Variants in UNC13C observed in about 807,000 individuals in gnomAD.
UNC13C encodes the protein unc-13 homolog C, also known as protein unc-13 homolog C.
In UNC13C, 174 loss-of-function variants were observed where a neutral mutation model predicts 245.4. That is an observed-to-expected ratio of 0.71 (90% CI 0.63 to 0.80). UNC13C has a LOEUF of 0.80. UNC13C is among the 30% of genes least tolerant of loss of function. UNC13C has a pLI of 0.00. For missense variants in UNC13C, 2,829 were observed against 2,602.9 expected, an observed-to-expected ratio of 1.09 and a Z score of -1.89; for synonymous variants, 992 against 895.1, an observed-to-expected ratio of 1.11 and a Z score of -1.93.
intron 2 of UNC13C, among the ~76,000 whole-genome samples, chr15:54,073,082 C>A (rs1229954031): frequency 6.6e-6 from 1 of 152,024 alleles, no homozygotes; most frequent in East Asian, 1.9e-4. Context: ...CTCCCTGTGT[C>A]CATGGGTTCT....
chr15:54,341,562 G>A (rs2038732315), intron 17 of UNC13C, among the ~76,000 whole-genome samples: 1 of 151,812 alleles, frequency 6.6e-6, no homozygotes, highest in South Asian at 2.1e-4. Context: ...TATACCTCAT[G>A]AATCTAAAAT....
chr15:54,184,214 C>G (rs2033894120), intron 4 of UNC13C, among the ~76,000 whole-genome samples: 1 of 151,836 alleles, frequency 6.6e-6, no homozygotes, highest in South Asian at 2.1e-4. Context: ...TTAAATGTTT[C>G]TCTATTAGAT....
intron 2 of UNC13C, among the ~76,000 whole-genome samples, chr15:54,052,471 G>T (rs887769394): frequency 1.3e-4 from 20 of 151,758 alleles, no homozygotes; most frequent in South Asian, 4.2e-4. Context: ...GTGTGAGATG[G>T]TATCTCATTG....
chr15:53,906,721 T>C, the UNC13C span, among the ~76,000 whole-genome samples: 1 of 152,178 alleles, frequency 6.6e-6, no homozygotes, highest in African/African-American at 2.4e-5. Flanking sequence ...ATTCTCACAC[T>C]GCTATAAAGA....
intron 19 of UNC13C, among the ~76,000 whole-genome samples, chr15:54,465,413 TAAAAC>T (rs995923830): frequency 4.6e-5 from 7 of 152,034 alleles, no homozygotes; most frequent in Admixed American, 1.3e-4. Context: ...GTAGATATGA[TAAAAC>T]AAATAAGGAT....
intron 5 of UNC13C, among the ~76,000 whole-genome samples, chr15:54,235,802 A>C (rs1266622762): frequency 2.0e-5 from 3 of 152,156 alleles, no homozygotes; most frequent in African/African-American, 7.2e-5. Context: ...GTGAGCCGAG[A>C]TTGCGCCACT....
chr15:53,980,549 A>T (rs1893886108), intron 1 of UNC13C, among the ~76,000 whole-genome samples: 2 of 152,246 alleles, frequency 1.3e-5, no homozygotes, highest in Non-Finnish European at 2.9e-5. Flanking sequence ...ACTCTAATTT[A>T]CAAAATTGTA....
At chr15:54,561,634 T>C (rs973966295) in intron 29 of UNC13C, among the ~76,000 whole-genome samples, 1 of 151,936 alleles carries the variant, frequency 6.6e-6, no homozygotes, top group East Asian at 1.9e-4. Flanking sequence ...TAAAATGAGG[T>C]TGATGGGAAA....
intron 4 of UNC13C, among the ~76,000 whole-genome samples, chr15:54,202,811 A>G (rs1395893191): frequency 2.6e-5 from 4 of 152,064 alleles, no homozygotes; most frequent in African/African-American, 7.2e-5. Flanking sequence ...ACAAAGATAA[A>G]TAGATGGGAC....
chr15:53,852,775 C>A, the UNC13C span, among the ~76,000 whole-genome samples: 2 of 152,084 alleles, frequency 1.3e-5, no homozygotes, highest in African/African-American at 4.8e-5. Flanking sequence ...TATTTTCTAT[C>A]TATTTTTTAG....
chr15:54,393,605 T>C (rs1209287464), intron 18 of UNC13C, among the ~76,000 whole-genome samples: 1 of 151,764 alleles, frequency 6.6e-6, no homozygotes, highest in Non-Finnish European at 1.5e-5. Context: ...GATGTGCATA[T>C]TGATTTAACA....
At chr15:54,199,290 C>T (rs2034449689) in intron 4 of UNC13C, among the ~76,000 whole-genome samples, 1 of 152,056 alleles carries the variant, frequency 6.6e-6, no homozygotes, top group Admixed American at 6.6e-5. Context: ...TTGAGGAAAC[C>T]TTCCCCAGCC....
chr15:54,433,060 T>C (rs1169112881), intron 19 of UNC13C, among the ~76,000 whole-genome samples: 1 of 152,004 alleles, frequency 6.6e-6, no homozygotes, highest in Non-Finnish European at 1.5e-5. Flanking sequence ...GTTGAATCCC[T>C]GAATAGACTA....
chr15:54,150,127 G>A (rs747949009), intron 4 of UNC13C, among the ~76,000 whole-genome samples: 29 of 152,086 alleles, frequency 1.9e-4, no homozygotes, highest in Non-Finnish European at 3.8e-4. Context: ...TATTATCACT[G>A]TTTTTAGTGT....
At chr15:54,407,275 A>C (rs570672402) in intron 18 of UNC13C, among the ~76,000 whole-genome samples, 1 of 152,284 alleles carries the variant, frequency 6.6e-6, no homozygotes, top group Non-Finnish European at 1.5e-5. Flanking sequence ...TAACGACTTG[A>C]ATTAGGAACA....
chr15:54,074,218 T>C (rs1898475978), intron 2 of UNC13C, among the ~76,000 whole-genome samples: 1 of 147,582 alleles, frequency 6.8e-6, no homozygotes, highest in South Asian at 2.1e-4. Flanking sequence ...GAGGCCTCTG[T>C]TCTGTTCCAT....
the UNC13C span, among the ~76,000 whole-genome samples, chr15:53,875,737 A>G: frequency 0.44 from 67,009 of 152,048 alleles, 14,924 homozygotes; most frequent in Middle Eastern, 0.51. Flanking sequence ...CAATAGTTTT[A>G]TGGTGTGCAT....
chr15:53,929,140 G>A, the UNC13C span, among the ~76,000 whole-genome samples: 2 of 152,176 alleles, frequency 1.3e-5, no homozygotes, highest in African/African-American at 2.4e-5. Flanking sequence ...GGAAAGCGAA[G>A]GCACATCTTA....
At chr15:54,628,792 G>C (rs1901363077), downstream of UNC13C, 1 of 147,814 alleles carries the variant, frequency 6.8e-6, no homozygotes, top group South Asian at 2.2e-4. Context: ...ATGCTGGCGA[G>C]GTTGTGAAGA....
Sources: allele counts gnomAD v4.1 joint callset (sites outside exome capture counted in the v4.1 genomes callset), GRCh38; gene constraint gnomAD v4.1.1; transcripts MANE v1.5; gene names NCBI Gene and HGNC (gene_info 2026-07-23, HGNC 2026-07-21).